Variants in ANXA4 observed in about 807,000 individuals in gnomAD.
The protein encoded by ANXA4 is 35-beta calcimedin.
In ANXA4, 39 loss-of-function variants were observed where a neutral mutation model predicts 49.8. The ratio of observed to expected loss-of-function variants is 0.78; its 90% CI spans 0.61 to 1.02. The LOEUF (loss-of-function observed/expected upper bound fraction) is 1.02. Among genes scored for constraint, ANXA4 ranks in the 50% least tolerant of loss-of-function variants. The probability of loss-of-function intolerance (pLI) is 0.00; values close to 1 mark genes in which losing one functional copy is unlikely to be tolerated. For missense variants in ANXA4, 360 were observed against 410.1 expected, an observed-to-expected ratio of 0.88 and a Z score of 1.05; for synonymous variants, 134 against 152.5, an observed-to-expected ratio of 0.88 and a Z score of 0.89.
At chr2:69,749,405 C>T (rs1404686226) in intron 1 of ANXA4, among the ~76,000 whole-genome samples, 2 of 152,086 alleles carry the variant, frequency 1.3e-5, no homozygotes, top group African/African-American at 4.8e-5. Context: ...TTTGGGATAT[C>T]AGTTTCTGAG....
At chr2:69,793,158 A>G (rs1315059617) in intron 3 of ANXA4, among the ~76,000 whole-genome samples, 1 of 151,526 alleles carries the variant, frequency 6.6e-6, no homozygotes, top group Admixed American at 6.6e-5. Flanking sequence ...AGGCTGAGAC[A>G]GGAGAATCAC....
At chr2:69,680,317 G>A (rs1248490849) in intron 2 of ANXA4, among the ~76,000 whole-genome samples, 2 of 152,106 alleles carry the variant, frequency 1.3e-5, no homozygotes, top group African/African-American at 4.8e-5. Flanking sequence ...CATTATTGGT[G>A]TATAGAAATG....
At chr2:69,717,766 T>A (rs1427219391) in intron 2 of ANXA4, among the ~76,000 whole-genome samples, 1 of 152,166 alleles carries the variant, frequency 6.6e-6, no homozygotes, top group Non-Finnish European at 1.5e-5. Flanking sequence ...CTGGGACTGG[T>A]ACCTCATCCA....
At chr2:69,777,203 A>C (rs1038382225) in intron 1 of ANXA4, among the ~76,000 whole-genome samples, 1 of 151,244 alleles carries the variant, frequency 6.6e-6, no homozygotes, top group Non-Finnish European at 1.5e-5. Flanking sequence ...CAACCCCTCC[A>C]CTCCCTATTT....
In ANXA4 at chr2:69,816,215, C is replaced by T. The variant is rs1475706379; in HGVS notation, c.628+21C>T. ...GCATGGTAAGGCACTTACTTCATTT[C>T]CCAAAGAAAAGGAGTGAAAGATAGC... On this transcript the variant is annotated intron_variant, in intron 9 of 12. Transcript: ENST00000394295. The T allele has an allele frequency of 2.5e-6, 4 of 1,607,610 alleles. No individual in the cohort carries two copies. In the African/African-American group the frequency reaches 5.3e-5, roughly 21 times the overall value.
At chr2:69,701,194 G>A (rs113795624) in intron 2 of ANXA4, among the ~76,000 whole-genome samples, 14 of 151,762 alleles carry the variant, frequency 9.2e-5, no homozygotes, top group African/African-American at 3.4e-4. Context: ...TTTTAACTGT[G>A]GCAAAAGACA....
At chr2:69,686,103 A>G (rs1335086660) in intron 2 of ANXA4, among the ~76,000 whole-genome samples, 1 of 152,222 alleles carries the variant, frequency 6.6e-6, no homozygotes, top group Non-Finnish European at 1.5e-5. Flanking sequence ...TGTTTTTAAT[A>G]TATCTAATTG....
At chr2:69,698,543 G>A (rs191846954) in intron 2 of ANXA4, among the ~76,000 whole-genome samples, 2 of 152,336 alleles carry the variant, frequency 1.3e-5, no homozygotes, top group Admixed American at 1.3e-4. Flanking sequence ...TAGGGCGGCA[G>A]AGAAGGATGA....
chr2:69,723,411 G>A (rs1267967299), intron 3 of ANXA4, among the ~76,000 whole-genome samples: 1 of 152,114 alleles, frequency 6.6e-6, no homozygotes, highest in Non-Finnish European at 1.5e-5. Context: ...TTGCAGTGTG[G>A]ACTAGGGGAG....
intron 2 of ANXA4, among the ~76,000 whole-genome samples, chr2:69,679,785 T>C (rs910207514): frequency 1.3e-5 from 2 of 152,246 alleles, no homozygotes; most frequent in African/African-American, 4.8e-5. Context: ...ATGTCTGTTA[T>C]TGGCACCTTT....
chr2:69,807,876 T>C (rs1673513231), intron 5 of ANXA4, 30 bp from the exon 6 acceptor site: 1 of 1,602,358 alleles, frequency 6.2e-7, no homozygotes, highest in Admixed American at 1.7e-5. Flanking sequence ...AACTGGCTCA[T>C]ATAGCCCTGT....
chr2:69,652,740 T>A (rs967023551), intron 1 of ANXA4, among the ~76,000 whole-genome samples: 7 of 152,146 alleles, frequency 4.6e-5, no homozygotes, highest in African/African-American at 1.7e-4. Context: ...GTGCCTGTAA[T>A]CCCAGCTACT....
At chr2:69,733,876 A>G (rs572454835) in intron 3 of ANXA4, among the ~76,000 whole-genome samples, 83 of 151,790 alleles carry the variant, frequency 5.5e-4, no homozygotes, top group African/African-American at 1.7e-4. Context: ...ACAGTTCTAT[A>G]TAATTTTTTA....
intron 1 of ANXA4, among the ~76,000 whole-genome samples, chr2:69,768,386 G>A (rs1277707668): frequency 5.3e-5 from 8 of 152,180 alleles, no homozygotes; most frequent in Non-Finnish European, 8.8e-5. Flanking sequence ...TGAGCGCAGG[G>A]CCAGAGAGAG....
intron 1 of ANXA4, among the ~76,000 whole-genome samples, chr2:69,648,888 C>CTT (rs777450997): frequency 3.8e-5 from 4 of 105,810 alleles, no homozygotes; most frequent in Non-Finnish European, 6.9e-5. Context: ...TCTTTCTTTT[C>CTT]TTTTTTTTTT....
At chr2:69,657,679 T>C (rs887587529) in intron 2 of ANXA4, among the ~76,000 whole-genome samples, 2 of 152,190 alleles carry the variant, frequency 1.3e-5, no homozygotes, top group Non-Finnish European at 2.9e-5. Context: ...ATTTAAGCTT[T>C]TAACTTCCTG....
chr2:69,746,288 A>T (rs1465184548), intron 1 of ANXA4, among the ~76,000 whole-genome samples: 1 of 151,978 alleles, frequency 6.6e-6, no homozygotes, highest in South Asian at 2.1e-4. Flanking sequence ...GGGATTACAG[A>T]TGTGAGCCAC....
At chr2:69,768,275 A>C in intron 1 of ANXA4, among the ~76,000 whole-genome samples, 1 of 152,226 alleles carries the variant, frequency 6.6e-6, no homozygotes. Context: ...TTATTTTAAA[A>C]TAAAGTCCCT....
chr2:69,692,277 T>A (rs1034636885), intron 2 of ANXA4, among the ~76,000 whole-genome samples: 1 of 152,192 alleles, frequency 6.6e-6, no homozygotes, highest in Non-Finnish European at 1.5e-5. Flanking sequence ...AAATATGAAT[T>A]TGGGCATGAT....
Sources: allele counts gnomAD v4.1 joint callset (sites outside exome capture counted in the v4.1 genomes callset), GRCh38; gene constraint gnomAD v4.1.1; transcripts MANE v1.5; gene names NCBI Gene and HGNC (gene_info 2026-07-23, HGNC 2026-07-21).